The following CSMD1 variants were observed in gnomAD, a reference collection of about 807,000 sequenced individuals.
The protein encoded by CSMD1 is CUB and Sushi multiple domains 1, also known as CUB and sushi domain-containing protein 1.
CSMD1 carries 213 observed loss-of-function variants against 417.5 expected under a neutral mutation model. The observed-to-expected ratio is 0.51, with a 90% CI of 0.46 to 0.57. CSMD1 has a LOEUF of 0.57. CSMD1 is among the 20% of genes least tolerant of loss of function. The pLI is 0.00. For missense variants in CSMD1, 6,923 were observed against 4,529.7 expected, an observed-to-expected ratio of 1.53 and a Z score of -15.17; for synonymous variants, 2,862 against 1,736.8, an observed-to-expected ratio of 1.65 and a Z score of -16.11.
intron 7 of CSMD1, among the ~76,000 whole-genome samples, chr8:3,642,001 A>G (rs1283177537): frequency 6.6e-6 from 1 of 152,110 alleles, no homozygotes; most frequent in Non-Finnish European, 1.5e-5. Flanking sequence ...TAGCAGCCCC[A>G]GAAGCTAGGT....
intron 1 of CSMD1, among the ~76,000 whole-genome samples, chr8:4,956,484 T>A (rs944927455): frequency 1.3e-5 from 2 of 148,324 alleles, no homozygotes; most frequent in African/African-American, 2.5e-5. Flanking sequence ...AAAATGCATA[T>A]GTGTATAAAA....
intron 3 of CSMD1, among the ~76,000 whole-genome samples, chr8:4,345,160 A>G (rs1042725455): frequency 3.3e-5 from 5 of 152,168 alleles, no homozygotes; most frequent in African/African-American, 4.8e-5. Context: ...AAAACAGTGG[A>G]AACAGATTTC....
rs189373136 is a variant in CSMD1 at position 4,439,470 on chromosome 8, C to A, written c.303-19405G>T. On this transcript the variant is annotated intron_variant, in intron 2 of 69. Coordinates refer to ENST00000635120, the MANE Select transcript of CSMD1 (RefSeq NM_033225.6). ...CTTTTTCCTAACATTCTTATGTTTT[C>A]CTACTTTCTTCCGTTTGACGAACAA... Among the ~76,000 whole-genome samples, 1,026 of 152,002 alleles carry A rather than the reference C, an allele frequency of 6.7e-3. 10 individuals carry two copies. Among genetic ancestry groups the A allele is most frequent in the African/African-American group, 0.023 (954 of 41,480 alleles).
chr8:3,563,953 T>A (rs13257617), intron 10 of CSMD1, among the ~76,000 whole-genome samples: 54,826 of 151,966 alleles, frequency 0.36, 10,157 homozygotes, highest in African/African-American at 0.44. Context: ...AATACTAATG[T>A]TCATTCTTTT....
At chr8:2,987,866 G>C (rs1216544405) in intron 54 of CSMD1, among the ~76,000 whole-genome samples, 3 of 152,128 alleles carry the variant, frequency 2.0e-5, no homozygotes, top group Non-Finnish European at 4.4e-5. Flanking sequence ...CCCAAGAGGA[G>C]CTTTGTTAAG....
rs571322483 is a variant in CSMD1, at chr8:3,983,949, A to G, written c.818+13954T>C. 3.3e-4 allele frequency among the ~76,000 whole-genome samples: 50 copies of G among 152,290 alleles called. No individual in the cohort carries two copies. The South Asian group carries it at 7.5e-3, about 23-fold the overall frequency. On this transcript the variant is annotated intron_variant, in intron 5 of 69. Transcript: ENST00000635120. Reference sequence around the variant, plus strand: ...GGGCTGTCAATTGCAACTCTAGAGCACATTGCAGATCTGATGGGGCTGTCA... The same window carrying G: ...GGGCTGTCAATTGCAACTCTAGAGCGCATTGCAGATCTGATGGGGCTGTCA...
chr8:3,558,864 T>G (rs1203426037), intron 10 of CSMD1, among the ~76,000 whole-genome samples: 8 of 151,990 alleles, frequency 5.3e-5, no homozygotes, highest in Non-Finnish European at 1.2e-4. Context: ...TACCCCATGT[T>G]CACCTGCCGC....
intron 26 of CSMD1, among the ~76,000 whole-genome samples, chr8:3,240,193 C>T (rs182469049): frequency 7.2e-5 from 11 of 152,142 alleles, no homozygotes; most frequent in Admixed American, 3.3e-4. Context: ...ATTCTGACTG[C>T]GCAGCCCACA....
chr8:3,742,115 C>G (rs1796837297), intron 6 of CSMD1, among the ~76,000 whole-genome samples: 1 of 152,018 alleles, frequency 6.6e-6, no homozygotes, highest in Non-Finnish European at 1.5e-5. Context: ...GAATCCTGTC[C>G]ATCAGTCTAT....
chr8:3,419,732 T>A (rs1315754003), intron 12 of CSMD1, among the ~76,000 whole-genome samples: 1 of 152,330 alleles, frequency 6.6e-6, no homozygotes, highest in East Asian at 1.9e-4. Context: ...ATAGCCAACA[T>A]GTCAAGAAAA....
intron 3 of CSMD1, among the ~76,000 whole-genome samples, chr8:4,157,477 C>A (rs1167181039): frequency 1.3e-5 from 2 of 152,076 alleles, no homozygotes; most frequent in African/African-American, 4.8e-5. Flanking sequence ...TCCTTCCTTC[C>A]TTCCTTCTGA....
intron 3 of CSMD1, among the ~76,000 whole-genome samples, chr8:4,294,649 C>G (rs938477973): frequency 2.0e-5 from 3 of 152,090 alleles, no homozygotes; most frequent in Admixed American, 6.6e-5. Flanking sequence ...AAGTTATATT[C>G]ATGTTTCTTG....
chr8:3,680,209 G>C (rs897461080), intron 7 of CSMD1, among the ~76,000 whole-genome samples: 2 of 152,034 alleles, frequency 1.3e-5, no homozygotes, highest in Admixed American at 6.6e-5. Flanking sequence ...AGGAGATGGA[G>C]ATACAAAAAA....
At chr8:3,703,888 G>T (rs911720105) in intron 7 of CSMD1, among the ~76,000 whole-genome samples, 1 of 152,084 alleles carries the variant, frequency 6.6e-6, no homozygotes, top group Non-Finnish European at 1.5e-5. Context: ...CTGGCCAATG[G>T]TGAAACCCCA....
chr8:3,515,637 G>A (rs532850119), intron 10 of CSMD1, among the ~76,000 whole-genome samples: 2 of 152,328 alleles, frequency 1.3e-5, no homozygotes, highest in East Asian at 1.9e-4. Flanking sequence ...GCAGGCCACT[G>A]GAAATGTGGC....
intron 1 of CSMD1, among the ~76,000 whole-genome samples, chr8:4,761,937 A>ATCTG (rs1324987408): frequency 6.7e-6 from 1 of 149,754 alleles, no homozygotes; most frequent in South Asian, 2.1e-4. Context: ...CTATCTATCT[A>ATCTG]TCTATCTATC....
chr8:4,716,157 A>G (rs139406496), intron 1 of CSMD1, among the ~76,000 whole-genome samples: 1 of 152,168 alleles, frequency 6.6e-6, no homozygotes, highest in Non-Finnish European at 1.5e-5. Context: ...GGCTGACTTC[A>G]CACTTCAGCG....
intron 5 of CSMD1, among the ~76,000 whole-genome samples, chr8:3,971,872 GTTTC>G (rs1367768066): frequency 6.6e-6 from 1 of 152,090 alleles, no homozygotes; most frequent in Non-Finnish European, 1.5e-5. Flanking sequence ...CTAGGTTTCT[GTTTC>G]TTTGTTGATT....
intron 3 of CSMD1, among the ~76,000 whole-genome samples, chr8:4,271,397 G>C (rs1291927245): frequency 1.3e-5 from 2 of 152,068 alleles, no homozygotes; most frequent in African/African-American, 4.8e-5. Flanking sequence ...AAAATACGTA[G>C]CTTTGCCTGA....
Sources: gnomAD v4.1 joint callset for allele counts (sites outside exome capture counted in the v4.1 genomes callset) on GRCh38, gnomAD v4.1.1 for gene constraint, MANE v1.5 for transcripts, NCBI Gene and HGNC (gene_info 2026-07-23, HGNC 2026-07-21) for gene names.